The following TOGARAM2 variants were observed in gnomAD, a reference collection of about 807,000 sequenced individuals.
The protein encoded by TOGARAM2 is TOG array regulator of axonemal microtubules 2.
Under a neutral mutation model 93.3 loss-of-function variants are expected in TOGARAM2, and 85 were observed. That is an observed-to-expected ratio of 0.91 (90% CI 0.76 to 1.09). The LOEUF (loss-of-function observed/expected upper bound fraction) is 1.09. Among genes scored for constraint, TOGARAM2 ranks in the 50% least tolerant of loss-of-function variants. The pLI is 0.00. For missense variants in TOGARAM2, 1,277 were observed against 1,334.5 expected (o/e 0.96, Z 0.67); for synonymous variants, 593 against 552.8 (o/e 1.07, Z -1.02).
chr2:29,030,037 C>T (rs940843167), intron 14 of TOGARAM2, among the ~76,000 whole-genome samples: 9 of 152,176 alleles, frequency 5.9e-5, no homozygotes, highest in Non-Finnish European at 1.2e-4. Context: ...ACTTTGGGAA[C>T]CCAAGGCAGG....
At chr2:29,030,809 A>G (rs1287923760) in intron 14 of TOGARAM2, among the ~76,000 whole-genome samples, 3 of 152,086 alleles carry the variant, frequency 2.0e-5, no homozygotes, top group African/African-American at 7.2e-5. Flanking sequence ...AGGCTTCTCA[A>G]TTCTTGCCCT....
chr2:29,001,924 G>C (rs1241567771), intron 4 of TOGARAM2, among the ~76,000 whole-genome samples: 1 of 151,910 alleles, frequency 6.6e-6, no homozygotes, highest in Non-Finnish European at 1.5e-5. Flanking sequence ...GCCCAACCCA[G>C]TGCTTCTTGC....
At chr2:28,968,805 G>A (rs1253184692) in intron 1 of TOGARAM2, among the ~76,000 whole-genome samples, 39 of 116,230 alleles carry the variant, frequency 3.4e-4, no homozygotes, top group African/African-American at 1.3e-3. Flanking sequence ...GTGACAGAGT[G>A]AGACTCTGTC....
At chr2:29,006,350 GTGTGAGTGCA>G (rs200464465) in intron 6 of TOGARAM2, among the ~76,000 whole-genome samples, 8,396 of 148,794 alleles carry the variant, frequency 0.056, 585 homozygotes, top group East Asian at 0.16. Context: ...ATGTGTGTAT[GTGTGAGTGCA>G]TGTGTGTGCA....
chr2:29,034,723 A>G (rs1005022818), intron 16 of TOGARAM2, among the ~76,000 whole-genome samples: 5 of 152,178 alleles, frequency 3.3e-5, no homozygotes, highest in African/African-American at 1.2e-4. Flanking sequence ...GTGTAAGAAA[A>G]TGGGGCTTTT....
chr2:29,037,470 C>T (rs1666188218), intron 18 of TOGARAM2, among the ~76,000 whole-genome samples: 1 of 152,170 alleles, frequency 6.6e-6, no homozygotes, highest in East Asian at 1.9e-4. Flanking sequence ...CTGTGTTTGC[C>T]TTGTTGCTGT....
At chr2:29,005,076 GCATGTGTATGTGT>G (rs1673605686) in intron 6 of TOGARAM2, among the ~76,000 whole-genome samples, 1 of 73,312 alleles carries the variant, frequency 1.4e-5, no homozygotes, top group African/African-American at 4.1e-5. Context: ...GCATGTGTGT[GCATGTGTATGTGT>G]GAGTGCATGT....
intron 18 of TOGARAM2, among the ~76,000 whole-genome samples, chr2:29,044,505 C>G (rs1303638761): frequency 3.3e-5 from 5 of 152,094 alleles, no homozygotes; most frequent in Non-Finnish European, 1.5e-5. Flanking sequence ...TCCCGGGACT[C>G]GGGACTGACA....
chr2:28,975,795 G>A (rs562208183), intron 1 of TOGARAM2, among the ~76,000 whole-genome samples: 38 of 152,010 alleles, frequency 2.5e-4, no homozygotes, highest in Non-Finnish European at 5.0e-4. Context: ...AGATCTAGGT[G>A]GGATTGGATG....
intron 10 of TOGARAM2, chr2:29,018,332 T>C: frequency 5.3e-6 from 1 of 189,064 alleles, no homozygotes; most frequent in Admixed American, 6.0e-5. Flanking sequence ...TTCCTGTTGC[T>C]TCATAAAATG....
intron 2 of TOGARAM2, 91 bp from the exon 3 acceptor site, chr2:28,998,052 G>C: frequency 1.2e-6 from 1 of 861,832 alleles, no homozygotes; most frequent in Non-Finnish European, 1.8e-6. Flanking sequence ...GGGGTGGAGT[G>C]CTCAGGGTTA....
intron 10 of TOGARAM2, among the ~76,000 whole-genome samples, chr2:29,020,048 T>A (rs73922944): frequency 2.0e-5 from 3 of 151,898 alleles, no homozygotes; most frequent in African/African-American, 7.3e-5. Flanking sequence ...AGGGAAGGGG[T>A]TTTTATCCCT....
chr2:29,050,219 G>A (rs1039332556), intron 19 of TOGARAM2: 6 of 152,136 alleles, frequency 3.9e-5, no homozygotes, highest in African/African-American at 7.2e-5. Flanking sequence ...ATAACTGAGC[G>A]TGGAGGCGCA....
chr2:29,035,963 T>C (rs934347656), intron 17 of TOGARAM2, among the ~76,000 whole-genome samples: 1 of 152,062 alleles, frequency 6.6e-6, no homozygotes, highest in Non-Finnish European at 1.5e-5. Context: ...GCATCATGTT[T>C]GGGGGCAGAG....
At chr2:28,972,744 CTG>C (rs1231701565) in intron 1 of TOGARAM2, among the ~76,000 whole-genome samples, 1 of 152,150 alleles carries the variant, frequency 6.6e-6, no homozygotes, top group South Asian at 2.1e-4. Context: ...ATGTAGGGGA[CTG>C]TGTCTTACAT....
chr2:28,973,466 C>CCTGCCTTCCTTCCTTA (rs1671982370), intron 1 of TOGARAM2, among the ~76,000 whole-genome samples: 2 of 142,624 alleles, frequency 1.4e-5, no homozygotes, highest in Non-Finnish European at 1.5e-5. Context: ...TTCCTTCCTT[C>CCTGCCTTCCTTCCTTA]CTCCCTCCCT....
chr2:29,005,608 CATGT>C (rs1432713445), intron 6 of TOGARAM2, among the ~76,000 whole-genome samples: 12 of 32,434 alleles, frequency 3.7e-4, no homozygotes, highest in Non-Finnish European at 6.3e-4. Flanking sequence ...TGTGAGCATG[CATGT>C]GAGTGCATGT....
intron 1 of TOGARAM2, among the ~76,000 whole-genome samples, chr2:28,983,198 A>ATTTTT (rs57949744): frequency 8.8e-5 from 5 of 56,624 alleles, no homozygotes; most frequent in African/African-American, 4.2e-4. Context: ...ATATATATAT[A>ATTTTT]TTTTTTTTTT....
intron 1 of TOGARAM2, among the ~76,000 whole-genome samples, chr2:28,988,521 C>T (rs553531203): frequency 8.2e-4 from 125 of 152,298 alleles, no homozygotes; most frequent in African/African-American, 2.8e-3. Flanking sequence ...TCCCCTCCCT[C>T]CCCTGTGTCT....
Sources: allele counts gnomAD v4.1 joint callset (sites outside exome capture counted in the v4.1 genomes callset), GRCh38; gene constraint gnomAD v4.1.1; transcripts MANE v1.5; gene names NCBI Gene and HGNC (gene_info 2026-07-23, HGNC 2026-07-21).